The following DPP10 variants were observed in gnomAD, a reference collection of about 807,000 sequenced individuals.
DPP10 encodes the protein dipeptidyl peptidase like 10, also known as inactive dipeptidyl peptidase 10.
In DPP10, 33 loss-of-function variants were observed where a neutral mutation model predicts 120.9. The observed-to-expected ratio is 0.27, with a 90% CI of 0.21 to 0.37. The LOEUF (loss-of-function observed/expected upper bound fraction) is 0.37. Ranked by LOEUF, DPP10 falls within the 10% of genes least tolerant of loss-of-function variation. The probability of loss-of-function intolerance (pLI) is 1.00; values close to 1 mark genes in which losing one functional copy is unlikely to be tolerated. For missense variants in DPP10, 816 were observed against 942.8 expected, an observed-to-expected ratio of 0.87 and a Z score of 1.76; for synonymous variants, 337 against 326.1, an observed-to-expected ratio of 1.03 and a Z score of -0.36.
At chr2:115,249,525 A>G (rs138506482) in intron 1 of DPP10, among the ~76,000 whole-genome samples, 164 of 152,294 alleles carry the variant, frequency 1.1e-3, no homozygotes, top group African/African-American at 3.8e-3. Context: ...AGTTTGAGGC[A>G]AGTCATTTCA....
intron 1 of DPP10, among the ~76,000 whole-genome samples, chr2:114,629,579 G>A (rs540096362): frequency 6.6e-6 from 1 of 152,234 alleles, no homozygotes; most frequent in Admixed American, 6.5e-5. Flanking sequence ...AACTATAACA[G>A]CATAGCACTG....
At chr2:114,743,023 T>C (rs1253552531) in intron 1 of DPP10, among the ~76,000 whole-genome samples, 2 of 152,216 alleles carry the variant, frequency 1.3e-5, no homozygotes, top group Admixed American at 1.3e-4. Context: ...TTAGAAGTCT[T>C]AATCACACCT....
chr2:115,749,230 A>G (rs764078744), intron 10 of DPP10, among the ~76,000 whole-genome samples: 1 of 152,212 alleles, frequency 6.6e-6, no homozygotes, highest in African/African-American at 2.4e-5. Flanking sequence ...GGGAAATTTT[A>G]TCTTATGATA....
chr2:114,813,713 TA>T (rs71857153), intron 1 of DPP10, among the ~76,000 whole-genome samples: 19,958 of 148,792 alleles, frequency 0.13, 1,400 homozygotes, highest in African/African-American at 0.18. Context: ...TCTATGGAAT[TA>T]AATTTTTTTT....
chr2:114,895,933 G>A (rs1240013833), intron 1 of DPP10, among the ~76,000 whole-genome samples: 1 of 152,174 alleles, frequency 6.6e-6, no homozygotes, highest in East Asian at 1.9e-4. Flanking sequence ...AAGGGATCCA[G>A]TTTCAGCTTT....
chr2:115,363,682 C>T (rs763997324), intron 3 of DPP10, among the ~76,000 whole-genome samples: 15 of 152,326 alleles, frequency 9.8e-5, no homozygotes, highest in Non-Finnish European at 2.9e-5. Context: ...GCTTTCTAAA[C>T]ATTATAAACC....
At chr2:115,490,014 A>G (rs1238447861) in intron 3 of DPP10, among the ~76,000 whole-genome samples, 1 of 152,146 alleles carries the variant, frequency 6.6e-6, no homozygotes, top group Non-Finnish European at 1.5e-5. Flanking sequence ...TAACTCTTGC[A>G]ACCAATTACC....
chr2:115,813,348 G>A (rs555328107), intron 19 of DPP10, among the ~76,000 whole-genome samples: 61 of 152,326 alleles, frequency 4.0e-4, no homozygotes, highest in Non-Finnish European at 7.4e-4. Flanking sequence ...TCCTTGGGTT[G>A]CAGACGACCG....
chr2:115,373,694 C>T (rs938067119), intron 3 of DPP10, among the ~76,000 whole-genome samples: 12 of 151,916 alleles, frequency 7.9e-5, no homozygotes, highest in Admixed American at 2.6e-4. Flanking sequence ...TTGCAATTTA[C>T]TAGTTGTATT....
chr2:115,321,512 A>G (rs1574414483), intron 2 of DPP10, among the ~76,000 whole-genome samples: 1 of 55,392 alleles, frequency 1.8e-5, no homozygotes, highest in South Asian at 6.6e-4. Flanking sequence ...GCATTTTTTT[A>G]GTGTTTTTTT....
intron 1 of DPP10, among the ~76,000 whole-genome samples, chr2:115,046,473 T>C (rs1036401318): frequency 1.3e-5 from 2 of 152,124 alleles, no homozygotes; most frequent in Admixed American, 1.3e-4. Flanking sequence ...CAGAAATTTT[T>C]CTCGAAAGGG....
chr2:115,696,980 G>A (rs1406339299), intron 7 of DPP10, among the ~76,000 whole-genome samples: 1 of 152,062 alleles, frequency 6.6e-6, no homozygotes, highest in Non-Finnish European at 1.5e-5. Context: ...CAACGTTTTT[G>A]AATGTTATTG....
chr2:115,022,966 G>A (rs1200499938), intron 1 of DPP10, among the ~76,000 whole-genome samples: 4 of 152,026 alleles, frequency 2.6e-5, no homozygotes, highest in Non-Finnish European at 5.9e-5. Flanking sequence ...AATGAAACTG[G>A]ATCCTCACCT....
At chr2:115,016,332 T>A (rs1702633511) in intron 1 of DPP10, among the ~76,000 whole-genome samples, 1 of 152,184 alleles carries the variant, frequency 6.6e-6, no homozygotes, top group African/African-American at 2.4e-5. Flanking sequence ...AACCCTTCCT[T>A]ACACCTCATA....
chr2:115,468,064 A>G, intron 3 of DPP10: 1 of 411,244 alleles, frequency 2.4e-6, no homozygotes, highest in Non-Finnish European at 4.7e-6. Context: ...CAATGTCTGG[A>G]ACCTGCGATG....
chr2:115,228,877 C>T (rs1030409629), intron 1 of DPP10, among the ~76,000 whole-genome samples: 9 of 152,104 alleles, frequency 5.9e-5, no homozygotes, highest in African/African-American at 2.2e-4. Flanking sequence ...GATTTCCTTT[C>T]TTTTGGGTGT....
intron 1 of DPP10, among the ~76,000 whole-genome samples, chr2:115,247,773 A>G (rs975918065): frequency 6.6e-6 from 1 of 152,166 alleles, no homozygotes; most frequent in Non-Finnish European, 1.5e-5. Context: ...GTTGATGATG[A>G]TGGAAAGAAA....
intron 5 of DPP10, among the ~76,000 whole-genome samples, chr2:115,547,598 C>A (rs528297544): frequency 2.0e-5 from 3 of 152,070 alleles, no homozygotes; most frequent in Admixed American, 2.0e-4. Flanking sequence ...CATGGTGAAA[C>A]CCCGCCTCTA....
intron 1 of DPP10, among the ~76,000 whole-genome samples, chr2:115,231,989 C>G (rs956844633): frequency 6.6e-6 from 1 of 151,700 alleles, no homozygotes; most frequent in Admixed American, 6.6e-5. Flanking sequence ...CTGGTGTAGA[C>G]TCCTGCATGT....
Sources: allele counts gnomAD v4.1 joint callset (sites outside exome capture counted in the v4.1 genomes callset), GRCh38; gene constraint gnomAD v4.1.1; transcripts MANE v1.5; gene names NCBI Gene and HGNC (gene_info 2026-07-23, HGNC 2026-07-21).